Variants in MACROD1 observed in about 807,000 individuals in gnomAD.
MACROD1 encodes mono-ADP ribosylhydrolase 1, also known as ADP-ribose glycohydrolase MACROD1.
In MACROD1, 31 loss-of-function variants were observed where a neutral mutation model predicts 41.4. The observed-to-expected ratio is 0.75, with a 90% CI of 0.56 to 1.01. The LOEUF (loss-of-function observed/expected upper bound fraction) is 1.01, where lower values mean the gene tolerates loss of function less well. Among genes scored for constraint, MACROD1 ranks in the 50% least tolerant of loss-of-function variants. The pLI is 0.00. For missense variants in MACROD1, 473 were observed against 460.0 expected (o/e 1.03, Z -0.26); for synonymous variants, 252 against 203.4 (o/e 1.24, Z -2.03).
chr11:64,046,124 G>A (rs927982461), intron 3 of MACROD1, among the ~76,000 whole-genome samples: 8 of 152,172 alleles, frequency 5.3e-5, no homozygotes, highest in Non-Finnish European at 1.0e-4. Flanking sequence ...GTTCTGAGCG[G>A]CAGGGGTAGG....
At chr11:64,016,730 G>A (rs984122183) in intron 3 of MACROD1, among the ~76,000 whole-genome samples, 2 of 152,260 alleles carry the variant, frequency 1.3e-5, no homozygotes, top group Non-Finnish European at 2.9e-5. Context: ...ATGGAGAGGC[G>A]AGGAGCGGCT....
At chr11:64,045,278 G>GA (rs1350710211) in intron 3 of MACROD1, among the ~76,000 whole-genome samples, 1 of 152,230 alleles carries the variant, frequency 6.6e-6, no homozygotes, top group Non-Finnish European at 1.5e-5. Flanking sequence ...TGCCGTCACA[G>GA]AGCAATCTCC....
At chr11:64,042,037 C>T (rs918951675) in intron 3 of MACROD1, among the ~76,000 whole-genome samples, 4 of 152,152 alleles carry the variant, frequency 2.6e-5, no homozygotes, top group African/African-American at 9.7e-5. Context: ...CTCACTCTCT[C>T]GGGCAGCGGC....
At chr11:64,114,316 C>CGGAT (rs1057069450) in intron 3 of MACROD1, among the ~76,000 whole-genome samples, 1 of 85,434 alleles carries the variant, frequency 1.2e-5, no homozygotes, top group African/African-American at 3.7e-5. Context: ...ACATGGATGA[C>CGGAT]GGATGGATGG....
At chr11:64,109,854 G>A (rs1037115408) in intron 3 of MACROD1, among the ~76,000 whole-genome samples, 1 of 152,152 alleles carries the variant, frequency 6.6e-6, no homozygotes, top group African/African-American at 2.4e-5. Flanking sequence ...GCTGATAAGG[G>A]GTCAGCCTGT....
At chr11:64,009,499 T>TC (rs1942968096) in intron 4 of MACROD1, among the ~76,000 whole-genome samples, 2 of 152,200 alleles carry the variant, frequency 1.3e-5, no homozygotes, top group South Asian at 4.1e-4. Flanking sequence ...AAACTGGGTC[T>TC]CCCTGAAGGC....
intron 3 of MACROD1, among the ~76,000 whole-genome samples, chr11:64,143,753 T>TACACACACACACACACACACACACACAC (rs55995667): frequency 9.8e-6 from 1 of 101,616 alleles, no homozygotes; most frequent in Non-Finnish European, 1.9e-5. Context: ...GACACACACA[T>TACACACACACACACACACACACACACAC]ACACACACAC....
At chr11:64,150,520 G>C (rs546473506) in intron 3 of MACROD1, among the ~76,000 whole-genome samples, 2 of 152,144 alleles carry the variant, frequency 1.3e-5, no homozygotes, top group Admixed American at 6.5e-5. Context: ...AGGAGCAAGC[G>C]AGCAGGCGGG....
At chr11:64,091,534 G>A (rs1004836296) in intron 3 of MACROD1, among the ~76,000 whole-genome samples, 69 of 152,204 alleles carry the variant, frequency 4.5e-4, no homozygotes, top group African/African-American at 1.6e-3. Flanking sequence ...AGTAGCTGAG[G>A]TGCATGCCCA....
At chr11:64,038,148 C>T (rs1179612993) in intron 3 of MACROD1, among the ~76,000 whole-genome samples, 1 of 152,180 alleles carries the variant, frequency 6.6e-6, no homozygotes, top group Non-Finnish European at 1.5e-5. Context: ...GAGGTCCGCC[C>T]AGCTGTTTCT....
intron 3 of MACROD1, among the ~76,000 whole-genome samples, chr11:64,055,941 G>A (rs374190945): frequency 2.0e-5 from 3 of 152,300 alleles, no homozygotes; most frequent in Admixed American, 1.3e-4. Context: ...GCCTGCAGCC[G>A]ACAGCCGTAT....
chr11:64,138,210 T>G (rs1337364272), intron 3 of MACROD1, among the ~76,000 whole-genome samples: 1 of 152,146 alleles, frequency 6.6e-6, no homozygotes, highest in Non-Finnish European at 1.5e-5. Flanking sequence ...TGCCTCCTTG[T>G]TAGGAGGAAG....
rs1382396098 is a variant in MACROD1, at chr11:63,999,545, A to T, written c.802T>A (p.Ser268Thr). ...CCAGACTCACCAAACACGCCGGTGG[A>T]GATGCAGGGGAACGCCTGGGCGGGG... is the stretch of plus-strand genomic sequence containing the variant. ...RLRSVAFPCI[S>T]TGVFGYPCEA... is the part of the protein sequence containing the mutation. Residue 268 changes from serine to threonine, a missense_variant, in exon 7 of 11, where the codon TCC becomes ACC. Transcript: ENST00000255681. The T allele has an allele frequency of 6.2e-7, 1 of 1,609,822 alleles. No homozygotes were observed. Among genetic ancestry groups the T allele is most frequent in the Non-Finnish European group, 8.5e-7 (1 of 1,178,654 alleles).
Position 63,999,513 on chromosome 11 carries a change from CT to C in MACROD1, c.817+16del. ...TCCACCGCCCACTCCTGGTCCTTGC[CT>C]TTCTTCCAGACTCACCAAACACGCC... is the stretch of plus-strand genomic sequence containing the variant. On this transcript the variant is annotated intron_variant, in intron 7 of 10. Transcript: ENST00000255681. The C allele has an allele frequency of 6.2e-7, 1 of 1,604,368 alleles. No homozygotes were observed. Among genetic ancestry groups the C allele is most frequent in the Non-Finnish European group, 8.5e-7 (1 of 1,176,152 alleles).
At chr11:64,039,252 G>C (rs1185281872) in intron 3 of MACROD1, among the ~76,000 whole-genome samples, 1 of 152,124 alleles carries the variant, frequency 6.6e-6, no homozygotes, top group Non-Finnish European at 1.5e-5. Context: ...GCGTGGGTGT[G>C]GCGAGGGTGC....
chr11:64,055,647 C>T (rs1245487130), intron 3 of MACROD1, among the ~76,000 whole-genome samples: 1 of 152,162 alleles, frequency 6.6e-6, no homozygotes, highest in African/African-American at 2.4e-5. Context: ...TTCCCCGGGG[C>T]CTGCATGTTA....
intron 3 of MACROD1, among the ~76,000 whole-genome samples, chr11:64,061,702 CTTT>C (rs35179984): frequency 2.8e-5 from 4 of 141,806 alleles, no homozygotes; most frequent in Admixed American, 1.4e-4. Context: ...GTAAATGAGA[CTTT>C]TTTTTTTTTT....
rs530927485 is a variant in MACROD1 at position 64,018,322 on chromosome 11, G to A, written c.518-3041C>T. Among the ~76,000 whole-genome samples the A allele has an allele frequency of 2.3e-3, 348 of 152,306 alleles. 2 individuals carry two copies. The highest frequency in any genetic ancestry group is 0.01 in the South Asian group (50 of 4,832). On this transcript the variant is annotated intron_variant, in intron 3 of 10. Coordinates refer to ENST00000255681, the MANE Select transcript of MACROD1 (RefSeq NM_014067.4). Reference sequence around the variant, plus strand: ...TGGGGGTCAGGTGGCCAACCTGGTGGCTGGGACCCAGTTCCTCAGCTCCTC... The same window carrying A: ...TGGGGGTCAGGTGGCCAACCTGGTGACTGGGACCCAGTTCCTCAGCTCCTC...
At chr11:64,151,144 T>C (rs1040870923) in intron 3 of MACROD1, 95 bp downstream of exon 3, 23 of 1,072,078 alleles carry the variant, frequency 2.1e-5, no homozygotes, top group Non-Finnish European at 3.2e-5. Flanking sequence ...CGAGCCTCAC[T>C]GGAGCCAGGT....
Sources: allele counts gnomAD v4.1 joint callset (sites outside exome capture counted in the v4.1 genomes callset), GRCh38; gene constraint gnomAD v4.1.1; transcripts MANE v1.5; gene names NCBI Gene and HGNC (gene_info 2026-07-23, HGNC 2026-07-21).